Variants in FOXP1 observed in about 807,000 individuals in gnomAD.
FOXP1 encodes the protein forkhead box protein P1.
FOXP1 carries 15 observed loss-of-function variants against 98.2 expected under a neutral mutation model. The observed-to-expected ratio is 0.15, with a 90% CI of 0.10 to 0.24. The LOEUF (loss-of-function observed/expected upper bound fraction) is 0.24. Ranked by LOEUF, FOXP1 falls within the 10% of genes least tolerant of loss-of-function variation. The pLI is 1.00. For missense variants in FOXP1, 633 were observed against 848.5 expected (o/e 0.75, Z 3.15); for synonymous variants, 371 against 314.5 (o/e 1.18, Z -1.90).
chr3:71,312,938 C>T (rs527461650), intron 4 of FOXP1, among the ~76,000 whole-genome samples: 1 of 152,100 alleles, frequency 6.6e-6, no homozygotes, highest in Non-Finnish European at 1.5e-5. Context: ...TTGCAGTGAG[C>T]TGAGATCGTG....
At chr3:71,145,256 G>A (rs2060253950) in intron 6 of FOXP1, among the ~76,000 whole-genome samples, 1 of 151,994 alleles carries the variant, frequency 6.6e-6, no homozygotes, top group African/African-American at 2.4e-5. Context: ...AACTGCCCAG[G>A]CTGGGCGTGG....
intron 7 of FOXP1, among the ~76,000 whole-genome samples, chr3:71,083,129 C>T (rs1039442118): frequency 2.0e-5 from 3 of 152,048 alleles, no homozygotes; most frequent in South Asian, 2.1e-4. Flanking sequence ...TCCCCAGTGT[C>T]GGAGGTGGGG....
chr3:71,364,818 T>A (rs1446290095), intron 3 of FOXP1, among the ~76,000 whole-genome samples: 2 of 152,232 alleles, frequency 1.3e-5, no homozygotes, highest in East Asian at 3.8e-4. Context: ...ACAAAATAAA[T>A]GTTGAGATCA....
intron 7 of FOXP1, among the ~76,000 whole-genome samples, chr3:71,077,834 A>G (rs2053964631): frequency 9.7e-6 from 1 of 103,612 alleles, no homozygotes. Flanking sequence ...TCCTGTGCAT[A>G]TATTTTTTTT....
intron 6 of FOXP1, among the ~76,000 whole-genome samples, chr3:71,175,058 G>A (rs974051288): frequency 1.3e-5 from 2 of 151,900 alleles, no homozygotes; most frequent in South Asian, 2.1e-4. Context: ...GATTACAAGC[G>A]CCTGCCACCA....
chr3:71,273,914 T>C (rs942498296), intron 5 of FOXP1, among the ~76,000 whole-genome samples: 1 of 152,182 alleles, frequency 6.6e-6, no homozygotes. Flanking sequence ...AACTTAATGA[T>C]AATTCAAATT....
chr3:71,438,379 C>T (rs138809017), intron 3 of FOXP1, among the ~76,000 whole-genome samples: 1 of 152,272 alleles, frequency 6.6e-6, no homozygotes, highest in African/African-American at 2.4e-5. Context: ...CAAGACTAAT[C>T]CTATTTCCAC....
At chr3:71,526,137 TAAACAAAC>T (rs766836663) in intron 2 of FOXP1, among the ~76,000 whole-genome samples, 254 of 44,134 alleles carry the variant, frequency 5.8e-3, no homozygotes, top group Non-Finnish European at 9.2e-3. Context: ...TATAAATAAA[TAAACAAAC>T]AAACAAACAA....
At chr3:71,294,699 A>T (rs1422222104) in intron 5 of FOXP1, among the ~76,000 whole-genome samples, 2 of 152,136 alleles carry the variant, frequency 1.3e-5, no homozygotes, top group Non-Finnish European at 2.9e-5. Flanking sequence ...TTGTCCCCTT[A>T]AATCTGTTTG....
intron 3 of FOXP1, among the ~76,000 whole-genome samples, chr3:71,376,940 C>A (rs2079763705): frequency 6.6e-6 from 1 of 151,506 alleles, no homozygotes; most frequent in South Asian, 2.1e-4. Context: ...TTTTTTTTAA[C>A]CTACAGAAAC....
At chr3:71,013,370 C>A (rs900893860) in intron 12 of FOXP1, among the ~76,000 whole-genome samples, 28 of 152,104 alleles carry the variant, frequency 1.8e-4, no homozygotes, top group African/African-American at 5.3e-4. Context: ...TAATTGTCAC[C>A]AATTTTATAA....
chr3:70,965,253 C>T lies in FOXP1; in HGVS notation c.1889+637G>A, dbSNP rs144531356. ...AGGGGCATCACAGTCTCCTGGCCTCCGCCTTTCCTGTGGTTTGCAGTCCTG... is the reference window on the plus strand; with the variant it reads ...AGGGGCATCACAGTCTCCTGGCCTCTGCCTTTCCTGTGGTTTGCAGTCCTG... On this transcript the variant is annotated intron_variant, in intron 20 of 20. Transcript: ENST00000649528. Among the ~76,000 whole-genome samples, 141 of 152,334 alleles carry T rather than the reference C, an allele frequency of 9.3e-4. 1 individual carries two copies. The highest frequency in any genetic ancestry group is 3.0e-3 in the African/African-American group (125 of 41,578).
At chr3:71,370,624 T>C (rs1481661413) in intron 3 of FOXP1, among the ~76,000 whole-genome samples, 3 of 152,162 alleles carry the variant, frequency 2.0e-5, no homozygotes, top group African/African-American at 4.8e-5. Context: ...GTCTGTCTTA[T>C]CTTCCCATGA....
At chr3:71,114,907 G>A (rs2107768504) in intron 6 of FOXP1, among the ~76,000 whole-genome samples, 1 of 152,300 alleles carries the variant, frequency 6.6e-6, no homozygotes, top group Middle Eastern at 3.4e-3. Context: ...TGGGCAGAGT[G>A]AAGATTTCAT....
intron 14 of FOXP1, among the ~76,000 whole-genome samples, chr3:70,982,609 TTATTTG>T (rs1027270173): frequency 1.4e-4 from 21 of 152,308 alleles, no homozygotes; most frequent in African/African-American, 5.1e-4. Flanking sequence ...TTTTTTAAAT[TTATTTG>T]TACTCTCAGG....
intron 7 of FOXP1, among the ~76,000 whole-genome samples, chr3:71,094,775 G>T (rs1179853401): frequency 6.6e-6 from 1 of 152,214 alleles, no homozygotes; most frequent in African/African-American, 2.4e-5. Context: ...TTTGGGGACG[G>T]GGAATGGTGG....
At chr3:71,266,922 G>A (rs1323198173) in intron 5 of FOXP1, among the ~76,000 whole-genome samples, 1 of 152,170 alleles carries the variant, frequency 6.6e-6, no homozygotes, top group Non-Finnish European at 1.5e-5. Context: ...TATGGCTGCA[G>A]TTTTGGACTT....
chr3:71,249,688 C>T (rs1340123994), intron 5 of FOXP1, among the ~76,000 whole-genome samples: 1 of 152,164 alleles, frequency 6.6e-6, no homozygotes, highest in Non-Finnish European at 1.5e-5. Context: ...ATGAAGCTGG[C>T]CTGGAGTACA....
intron 6 of FOXP1, among the ~76,000 whole-genome samples, chr3:71,191,753 G>T (rs973159845): frequency 1.3e-5 from 2 of 152,190 alleles, no homozygotes; most frequent in Non-Finnish European, 2.9e-5. Context: ...TTAAGAACAT[G>T]TTGGGGGGTC....
Sources: allele counts gnomAD v4.1 joint callset (sites outside exome capture counted in the v4.1 genomes callset), GRCh38; gene constraint gnomAD v4.1.1; transcripts MANE v1.5; gene names NCBI Gene and HGNC (gene_info 2026-07-23, HGNC 2026-07-21).